Variants in PRICKLE2 observed in about 807,000 individuals in gnomAD.
The protein encoded by PRICKLE2 is prickle-like protein 2.
PRICKLE2 carries 21 observed loss-of-function variants against 81.4 expected under a neutral mutation model. The ratio of observed to expected loss-of-function variants is 0.26; its 90% CI spans 0.18 to 0.37. The LOEUF is 0.37. Among genes scored for constraint, PRICKLE2 ranks in the 10% least tolerant of loss-of-function variants. The probability of loss-of-function intolerance (pLI) is 1.00; values close to 1 mark genes in which losing one functional copy is unlikely to be tolerated. For missense variants in PRICKLE2, 940 were observed against 1,109.0 expected (o/e 0.85, Z 2.16); for synonymous variants, 456 against 421.5 (o/e 1.08, Z -1.00).
chr3:64,158,696 C>T (rs2077679580), intron 4 of PRICKLE2, among the ~76,000 whole-genome samples: 2 of 152,184 alleles, frequency 1.3e-5, no homozygotes, highest in Admixed American at 6.5e-5. Flanking sequence ...CTGGATGGAG[C>T]ACAGTGAATC....
At chr3:64,184,541 A>G (rs1174484827) in intron 2 of PRICKLE2, among the ~76,000 whole-genome samples, 1 of 152,150 alleles carries the variant, frequency 6.6e-6, no homozygotes, top group Non-Finnish European at 1.5e-5. Flanking sequence ...TGGTGCTATT[A>G]TAGCTCACTG....
intron 2 of PRICKLE2, among the ~76,000 whole-genome samples, chr3:64,177,515 A>G (rs1449091601): frequency 6.6e-6 from 1 of 152,118 alleles, no homozygotes; most frequent in Non-Finnish European, 1.5e-5. Flanking sequence ...CTATCTCGTC[A>G]CAAAACTTTT....
intron 2 of PRICKLE2, among the ~76,000 whole-genome samples, chr3:64,255,593 G>T (rs2079514149): frequency 6.6e-6 from 1 of 152,188 alleles, no homozygotes; most frequent in South Asian, 2.1e-4. Context: ...CCAGTCTGCT[G>T]CCATAAGGCC....
intron 2 of PRICKLE2, among the ~76,000 whole-genome samples, chr3:64,232,686 C>G (rs541073882): frequency 6.6e-6 from 1 of 152,160 alleles, no homozygotes; most frequent in Non-Finnish European, 1.5e-5. Flanking sequence ...CACCTTTAGG[C>G]TGATGACTCA....
chr3:64,247,374 T>C (rs1457167899), intron 2 of PRICKLE2, among the ~76,000 whole-genome samples: 4 of 152,234 alleles, frequency 2.6e-5, no homozygotes, highest in African/African-American at 9.6e-5. Flanking sequence ...CATGTATTTA[T>C]AGGCTACAGA....
At position 64,137,829 on chromosome 3, in the gene PRICKLE2, C is replaced by T. The variant is rs559515764; in HGVS notation, c.1660+9001G>A. ...GGGTGATGTTCAGAGTCATGAAATG[C>T]CAACAACAGGGCACAGCTTCCTTGG... On this transcript the variant is annotated intron_variant, in intron 7 of 7. Coordinates refer to ENST00000638394, the MANE Select transcript of PRICKLE2 (RefSeq NM_198859.4). 1.9e-4 allele frequency among the ~76,000 whole-genome samples: 29 copies of T among 152,284 alleles called. No individual in the cohort carries two copies. In the South Asian group the frequency reaches 5.6e-3, roughly 29 times the overall value.
At chr3:64,213,728 C>T (rs1036907585) in intron 1 of PRICKLE2, among the ~76,000 whole-genome samples, 1 of 151,782 alleles carries the variant, frequency 6.6e-6, no homozygotes, top group African/African-American at 2.4e-5. Flanking sequence ...TGAGTATGTG[C>T]CAAGCTCTGT....
intron 2 of PRICKLE2, among the ~76,000 whole-genome samples, chr3:64,181,846 T>C (rs1203285952): frequency 1.3e-5 from 2 of 152,180 alleles, no homozygotes; most frequent in East Asian, 1.9e-4. Context: ...GTCTGGTGAA[T>C]TGATTCAGAA....
At chr3:64,129,191 C>A (rs1019271106) in intron 7 of PRICKLE2, among the ~76,000 whole-genome samples, 2 of 152,138 alleles carry the variant, frequency 1.3e-5, no homozygotes, top group African/African-American at 4.8e-5. Flanking sequence ...TGTAAAAATA[C>A]AAGACTCAAG....
chr3:64,234,864 A>C (rs1302368283), intron 2 of PRICKLE2, among the ~76,000 whole-genome samples: 1 of 151,970 alleles, frequency 6.6e-6, no homozygotes, highest in African/African-American at 2.4e-5. Context: ...AATCTCTTTG[A>C]GCTTACCTAC....
chr3:64,153,076 A>G (rs2077572732), intron 6 of PRICKLE2, 106 bp downstream of exon 6: 1 of 1,062,696 alleles, frequency 9.4e-7, no homozygotes, highest in Non-Finnish European at 1.5e-6. Flanking sequence ...TTAAGTTAGC[A>G]TGAGTTGGGT....
chr3:64,194,081 C>T (rs1054634310), intron 2 of PRICKLE2: 5 of 152,156 alleles, frequency 3.3e-5, no homozygotes, highest in South Asian at 2.1e-4. Context: ...TTTTAATGAA[C>T]AAGTCTCCCT....
rs138683538 is a variant in PRICKLE2 at position 64,146,472 on chromosome 3, G to A, written c.1660+358C>T. 6.9e-3 allele frequency: 1,742 copies of A among 253,598 alleles called. 24 individuals are homozygous for A. The highest frequency in any genetic ancestry group is 6.9e-3 in the Non-Finnish European group (875 of 127,632). The allele number at this position is 253,598 out of a possible 1,614,324, so 15.7% of individuals were successfully genotyped here. A position where few individuals can be genotyped will look rare whatever the true frequency, so the allele number is the denominator to read the frequency against. ...AAATCCGGAGGACCAGGCTGGGCAC[G>A]GTGGCTCACGCCTGTAATCCTACCA... On this transcript the variant is annotated intron_variant, in intron 7 of 7. Coordinates refer to ENST00000638394, the MANE Select transcript of PRICKLE2 (RefSeq NM_198859.4).
intron 2 of PRICKLE2, among the ~76,000 whole-genome samples, chr3:64,254,475 T>G (rs2107183242): frequency 6.6e-6 from 1 of 152,286 alleles, no homozygotes; most frequent in Non-Finnish European, 1.5e-5. Context: ...ATCAGCTGTT[T>G]TCATGGTGAT....
chr3:64,248,286 A>G (rs1248049254), intron 2 of PRICKLE2, among the ~76,000 whole-genome samples: 3 of 152,224 alleles, frequency 2.0e-5, no homozygotes, highest in East Asian at 1.9e-4. Context: ...CAAGGAAAGC[A>G]TTTAATAAGG....
chr3:64,179,379 C>G (rs2078087260), intron 2 of PRICKLE2, among the ~76,000 whole-genome samples: 1 of 152,058 alleles, frequency 6.6e-6, no homozygotes, highest in Non-Finnish European at 1.5e-5. Flanking sequence ...CCTGGCCTAA[C>G]ATACGTATTT....
At position 64,095,442 on chromosome 3, in the gene PRICKLE2, G is replaced by C. The variant is rs966071467; in HGVS notation, c.*3609C>G. On this transcript the variant is annotated 3_prime_UTR_variant, in exon 8 of 8. Coordinates refer to ENST00000638394, the MANE Select transcript of PRICKLE2 (RefSeq NM_198859.4). The stretch of plus-strand genomic sequence containing the variant: ...CAATAAGATCAGTTCTGATCAACTG[G>C]TCCTGGCTGGTTGGAGTGTTGCAAA... The C allele has an allele frequency of 6.6e-6, 1 of 152,230 alleles. No homozygotes were observed. Among genetic ancestry groups the C allele is most frequent in the Non-Finnish European group, 1.5e-5 (1 of 68,048 alleles). 9.4% of individuals were successfully genotyped at this position (152,230 alleles called of 1,614,324 possible). A position where few individuals can be genotyped will look rare whatever the true frequency, so the allele number is the denominator to read the frequency against.
upstream of PRICKLE2, among the ~76,000 whole-genome samples, chr3:64,229,662 C>A (rs1005548528): frequency 6.6e-6 from 1 of 152,158 alleles, no homozygotes; most frequent in Non-Finnish European, 1.5e-5. Context: ...TCTGGCCCTG[C>A]TATTGGGAAA....
intron 7 of PRICKLE2, among the ~76,000 whole-genome samples, chr3:64,119,061 T>C (rs943810623): frequency 5.3e-5 from 8 of 152,086 alleles, no homozygotes; most frequent in African/African-American, 1.9e-4. Context: ...TGAGATCACG[T>C]CCCTTACAGA....
Sources: gnomAD v4.1 joint callset for allele counts (sites outside exome capture counted in the v4.1 genomes callset) on GRCh38, gnomAD v4.1.1 for gene constraint, MANE v1.5 for transcripts, NCBI Gene and HGNC (gene_info 2026-07-23, HGNC 2026-07-21) for gene names.